GAL3ST4: variants seen among roughly 807,000 people sequenced by gnomAD.
GAL3ST4 encodes the protein beta-galactose-3-O-sulfotransferase 4.
GAL3ST4 carries 30 observed loss-of-function variants against 31.6 expected under a neutral mutation model. That is an observed-to-expected ratio of 0.95 (90% CI 0.71 to 1.29). GAL3ST4 has a LOEUF of 1.29. Ranked by LOEUF, GAL3ST4 falls within the 50% of genes most tolerant of loss-of-function variation. The pLI is 0.00. For synonymous variants in GAL3ST4, 248 were observed against 256.9 expected (o/e 0.97, Z 0.33); for missense variants, 629 against 625.2 (o/e 1.01, Z -0.06).
rs1230361847 is a variant in GAL3ST4 at position 100,168,023 on chromosome 7, C to A, written c.-189+523G>T. Reference sequence around the variant, plus strand: ...AGAGAGAGACACACACACACACACACACACACACAGAGAAACAGAGAGAGA... The same window carrying A: ...AGAGAGAGACACACACACACACACAAACACACACAGAGAAACAGAGAGAGA... On this transcript the variant is annotated intron_variant, in intron 1 of 3. Coordinates refer to ENST00000360039, the MANE Select transcript of GAL3ST4 (RefSeq NM_024637.5). The surrounding 1 kb of genome is among the most constrained non-coding windows in gnomAD (Gnocchi z 4.1). 6.7e-6 allele frequency: 1 copy of A among 148,822 alleles called. No individual in the cohort carries two copies. The highest frequency in any genetic ancestry group is 6.7e-5 in the Admixed American group (1 of 14,858). 9.2% of individuals were successfully genotyped at this position (148,822 alleles called of 1,614,324 possible). A position where few individuals can be genotyped will look rare whatever the true frequency, so the allele number is the denominator to read the frequency against.
chr7:100,160,861 TGAG>T lies in GAL3ST4; in HGVS notation c.525_527del (p.Ser177del). ...AAGATGGTGACTTGCGGAAGGCTGA[TGAG>T]GTGGATTTATAGTAGGAGAAGGCAG... On this transcript the variant is annotated inframe_deletion, in exon 4 of 4. Transcript: ENST00000360039. 1 of 1,614,052 alleles carries T rather than the reference TGAG, an allele frequency of 6.2e-7. No individual in the cohort carries two copies. Among genetic ancestry groups the T allele is most frequent in the Non-Finnish European group, 8.5e-7 (1 of 1,180,014 alleles).
At chr7:100,161,794 G>A (rs1359449932) in intron 3 of GAL3ST4, among the ~76,000 whole-genome samples, 1 of 152,186 alleles carries the variant, frequency 6.6e-6, no homozygotes, top group Non-Finnish European at 1.5e-5. Flanking sequence ...GTGCATGGAT[G>A]AAGCTGGAAG....
At chr7:100,161,606 G>A (rs1335666879) in intron 3 of GAL3ST4, among the ~76,000 whole-genome samples, 1 of 149,470 alleles carries the variant, frequency 6.7e-6, no homozygotes, top group Non-Finnish European at 1.5e-5. Context: ...AGCTGAGATC[G>A]TGCCACTGCA....
chr7:100,164,189 C>G, intron 3 of GAL3ST4, among the ~76,000 whole-genome samples: 1 of 152,210 alleles, frequency 6.6e-6, no homozygotes, highest in East Asian at 1.9e-4. Flanking sequence ...GTGTCTCCAG[C>G]TCCAGCTTCA....
chr7:100,159,355 A>T lies in GAL3ST4; in HGVS notation c.*573T>A, dbSNP rs923630329. 1 of 153,004 alleles carries T rather than the reference A, an allele frequency of 6.5e-6. No homozygotes were observed. The highest frequency in any genetic ancestry group is 6.5e-5 in the Admixed American group (1 of 15,364). 9.5% of individuals were successfully genotyped at this position (153,004 alleles called of 1,614,324 possible). ...TATCATTCCAACTCACCACGCCCCA[A>T]ACTTCCTGTGGCTCACTCCATCTTT... On this transcript the variant is annotated 3_prime_UTR_variant, in exon 4 of 4. Coordinates refer to ENST00000360039, the MANE Select transcript of GAL3ST4 (RefSeq NM_024637.5).
In GAL3ST4 at chr7:100,166,981, A is replaced by C. The variant is rs1301973248; in HGVS notation, c.115T>G (p.Phe39Val). ...AAAGTGGGAACTCACCTCCTCTGGA[A>C]GGGCCCTCCCAAGAGCTGGAGTGCA... ...GFALQLLGGP[F>V]QRRLPGLQLR... The change falls in exon 2 of 4, where the codon TTC becomes GTC. Residue 39 changes from phenylalanine (F) to valine (V), a missense_variant. Coordinates refer to ENST00000360039, the MANE Select transcript of GAL3ST4 (RefSeq NM_024637.5). 2 of 1,591,000 alleles carry C rather than the reference A, an allele frequency of 1.3e-6. No individual in the cohort carries two copies. The highest frequency in any genetic ancestry group is 4.5e-5 in the East Asian group (2 of 44,228).
Position 100,168,196 on chromosome 7 carries a change from G to C in GAL3ST4, c.-189+350C>G, listed in dbSNP as rs1799107215. ...ATTACAACTCGCGATCAGGGACCACGGCCCCTCCAACAAGCCCCGACAGCT... is the reference window on the plus strand; with the variant it reads ...ATTACAACTCGCGATCAGGGACCACCGCCCCTCCAACAAGCCCCGACAGCT... On this transcript the variant is annotated intron_variant, in intron 1 of 3. Transcript: ENST00000360039. The surrounding 1 kb of genome is among the most constrained non-coding windows in gnomAD (Gnocchi z 4.1). 6.6e-6 allele frequency: 1 copy of C among 152,098 alleles called. No homozygotes were observed. The highest frequency in any genetic ancestry group is 6.6e-5 in the Admixed American group (1 of 15,266). 9.4% of individuals were successfully genotyped at this position (152,098 alleles called of 1,614,324 possible). A position where few individuals can be genotyped will look rare whatever the true frequency, so the allele number is the denominator to read the frequency against.
Position 100,160,592 on chromosome 7 carries a change from A to G in GAL3ST4, c.797T>C (p.Val266Ala). ...PNALIHPVST[V>A]TDHRSQISSP... Reference sequence around the variant, plus strand: ...TGATATCTGGCTGCGATGATCAGTAACAGTGGAAACAGGATGGATGAGGGC... The same window carrying G: ...TGATATCTGGCTGCGATGATCAGTAGCAGTGGAAACAGGATGGATGAGGGC... The change falls in exon 4 of 4, where the codon GTT becomes GCT. Residue 266 changes from valine (V) to alanine (A), a missense_variant. Physicochemically the swap from Val to Ala is moderately conservative, Grantham distance 64. Transcript: ENST00000360039. 6.2e-7 allele frequency: 1 copy of G among 1,613,818 alleles called. No individual in the cohort carries two copies. The highest frequency in any genetic ancestry group is 8.5e-7 in the Non-Finnish European group (1 of 1,180,038).
Position 100,160,620 on chromosome 7 carries a change from T to A in GAL3ST4, c.769A>T (p.Asn257Tyr), listed in dbSNP as rs1169120876. Residue 257 changes from asparagine (N) to tyrosine (Y), a missense_variant, in exon 4 of 4, where the codon AAT becomes TAT. By Grantham distance (143) the Asn-to-Tyr change is moderately radical. Transcript: ENST00000360039. ...AGPRAQTLNP[N>Y]ALIHPVSTVT... ...GTGGAAACAGGATGGATGAGGGCAT[T>A]GGGATTGAGGGTTTGGGCTCGAGGG... The A allele has an allele frequency of 6.2e-7, 1 of 1,613,512 alleles. No individual in the cohort carries two copies. The highest frequency in any genetic ancestry group is 2.2e-5 in the East Asian group (1 of 44,890).
At chr7:100,166,877 G>C (rs530735425) in intron 2 of GAL3ST4, 72 bp from the exon 3 acceptor site, 1 of 1,548,722 alleles carries the variant, frequency 6.5e-7, no homozygotes, top group Non-Finnish European at 8.7e-7. Flanking sequence ...GGGCATGGAG[G>C]CTTCTGAGTC....
In GAL3ST4 at chr7:100,168,406, G is replaced by C. The variant is rs1799120507; in HGVS notation, c.-189+140C>G. On this transcript the variant is annotated intron_variant, in intron 1 of 3. Transcript: ENST00000360039. This position sits in a 1 kb window ranked among gnomAD's most constrained non-coding sequence, Gnocchi z 4.1. ...ATCCATCTCTCCCTTCCCATGATTG[G>C]AGATCCCAGCCCTCTGTCCCCTCCA... The C allele has an allele frequency of 6.6e-6, 1 of 152,670 alleles. No individual in the cohort carries two copies. 9.5% of individuals were successfully genotyped at this position (152,670 alleles called of 1,614,324 possible).
At chr7:100,165,568 G>A (rs1584626142) in intron 3 of GAL3ST4, among the ~76,000 whole-genome samples, 1 of 151,952 alleles carries the variant, frequency 6.6e-6, no homozygotes, top group Non-Finnish European at 1.5e-5. Context: ...AAAGGGAAGG[G>A]GCGTGTTGTC....
In GAL3ST4 at chr7:100,160,523, C is replaced by T; in HGVS notation, c.866G>A (p.Trp289Ter). Residue 289 changes from tryptophan (W) to a stop codon, truncating the protein, a stop_gained, in exon 4 of 4, where the codon TGG (tryptophan) becomes TAG (stop). Transcript: ENST00000360039. LOFTEE classifies it high-confidence loss of function. Reference sequence around the variant, plus strand: ...GACAGAGTCCAGCCATGCCAGACCCCACTGGATGAAGGATGAAGACCCCAA... The same window carrying T: ...GACAGAGTCCAGCCATGCCAGACCCTACTGGATGAAGGATGAAGACCCCAA... ...FDLGSSSFIQ[W>*]GLAWLDSVFD... 3.7e-6 allele frequency: 6 copies of T among 1,614,022 alleles called. No individual in the cohort carries two copies. Among genetic ancestry groups the T allele is most frequent in the Non-Finnish European group, 5.1e-6 (6 of 1,180,040 alleles).
At chr7:100,167,502 T>C in intron 1 of GAL3ST4, 1 of 208,302 alleles carries the variant, frequency 4.8e-6, no homozygotes, top group Non-Finnish European at 9.8e-6. Context: ...TCCCTGAGCC[T>C]TGGGGATTTA....
chr7:100,161,652 CA>C (rs1163638873), intron 3 of GAL3ST4, among the ~76,000 whole-genome samples: 280 of 61,526 alleles, frequency 4.6e-3, no homozygotes, highest in Middle Eastern at 9.3e-3. Flanking sequence ...GACTCTGTCT[CA>C]AAAAAAAAAA....
Position 100,166,738 on chromosome 7 carries a change from G to C in GAL3ST4, c.193C>G (p.Pro65Ala). ...SLRPALPSCP[P>A]RQRLVFLKTH... is the part of the protein sequence containing the mutation. The stretch of plus-strand genomic sequence containing the variant: ...TTCAGGAACACCAGTCGCTGCCGGG[G>C]TGGGCAGGACGGAAGGGCTGGTCGT... Residue 65 changes from proline (P) to alanine (A), a missense_variant, in exon 3 of 4, where the codon CCC becomes GCC. Coordinates refer to ENST00000360039, the MANE Select transcript of GAL3ST4 (RefSeq NM_024637.5). The C allele has an allele frequency of 6.2e-7, 1 of 1,613,972 alleles. No homozygotes were observed. Among genetic ancestry groups the C allele is most frequent in the Non-Finnish European group, 8.5e-7 (1 of 1,179,934 alleles).
intron 3 of GAL3ST4, among the ~76,000 whole-genome samples, chr7:100,162,442 G>A (rs184249272): frequency 0.019 from 2,825 of 151,500 alleles, 40 homozygotes; most frequent in Non-Finnish European, 0.027. Context: ...CTACTCAGGA[G>A]GCTGAGGCAG....
Position 100,166,598 on chromosome 7 carries a change from G to A in GAL3ST4, c.333C>T (p.Phe111=), listed in dbSNP as rs767270453. The A allele has an allele frequency of 1.2e-6, 2 of 1,614,112 alleles. No homozygotes were observed. Among genetic ancestry groups the A allele is most frequent in the Non-Finnish European group, 1.7e-6 (2 of 1,180,050 alleles). The part of the protein sequence containing the change: ...ARYQFGYPKL[F]QASRVKGYRP... The stretch of plus-strand genomic sequence containing the variant: ...GGTAGCCTTTTACCCTAGAGGCCTG[G>A]AAGAGCTTTGGGTAGCCAAACTGGT... The change falls in exon 3 of 4, where the codon TTC becomes TTT. Residue 111 remains phenylalanine, a synonymous_variant. Transcript: ENST00000360039.
rs1439673631 is a variant in GAL3ST4 at position 100,159,438 on chromosome 7, G to T, written c.*490C>A. ...TGCCTTGGGGCAGGAAAGGGGAAGG[G>T]GAGGTCAGGCCTAGTGGCTCACGCC... is the stretch of plus-strand genomic sequence containing the variant. On this transcript the variant is annotated 3_prime_UTR_variant, in exon 4 of 4. Coordinates refer to ENST00000360039, the MANE Select transcript of GAL3ST4 (RefSeq NM_024637.5). The T allele has an allele frequency of 6.4e-6, 1 of 156,140 alleles. No homozygotes were observed. Among genetic ancestry groups the T allele is most frequent in the African/African-American group, 2.4e-5 (1 of 41,472 alleles). The allele number at this position is 156,140 out of a possible 1,614,324, so 9.7% of individuals were successfully genotyped here. A position where few individuals can be genotyped will look rare whatever the true frequency, so the allele number is the denominator to read the frequency against.
Sources: allele counts gnomAD v4.1 joint callset (sites outside exome capture counted in the v4.1 genomes callset), GRCh38; gene constraint gnomAD v4.1.1; non-coding constraint Gnocchi (gnomAD v3.1); transcripts MANE v1.5; gene names NCBI Gene and HGNC (gene_info 2026-07-23, HGNC 2026-07-21).